DOCK1: variants seen among roughly 807,000 people sequenced by gnomAD.
DOCK1 encodes the protein dedicator of cytokinesis 1, also known as dedicator of cytokinesis protein 1.
A neutral mutation model predicts 262.7 loss-of-function variants in DOCK1; 138 were observed. The ratio of observed to expected loss-of-function variants is 0.53; its 90% CI spans 0.46 to 0.61. The LOEUF is 0.61. Ranked by LOEUF, DOCK1 falls within the 20% of genes least tolerant of loss-of-function variation. The pLI, the probability that DOCK1 is intolerant of heterozygous loss-of-function variation, is 0.00. For missense variants in DOCK1, 1,908 were observed against 2,370.7 expected (o/e 0.80, Z 4.05); for synonymous variants, 866 against 867.4 (o/e 1.00, Z 0.03).
In DOCK1 at chr10:127,000,282, G is replaced by A. The variant is rs747760304; in HGVS notation, c.960G>A (p.Gly320=). Residue 320 remains glycine, a synonymous_variant, in exon 10 of 52, where the codon GGG becomes GGA. Transcript: ENST00000623213. The part of the protein sequence containing the change: ...RDNNTRKLTS[G]LRRPFGVAVM... ...ACAACACCAGGAAACTGACCTCGGG[G>A]TTGCGGCGACCTTTTGGAGTGGCTG... The A allele has an allele frequency of 1.2e-6, 2 of 1,614,014 alleles. No individual in the cohort carries two copies. The highest frequency in any genetic ancestry group is 1.7e-6 in the Non-Finnish European group (2 of 1,179,878).
At chr10:127,374,340 G>A (rs543354251) in intron 35 of DOCK1, 126 bp downstream of exon 35, 53 of 1,244,542 alleles carry the variant, frequency 4.3e-5, no homozygotes, top group East Asian at 2.1e-4. Context: ...AATCTCCTTC[G>A]CTTGTTTCCT....
intron 35 of DOCK1, among the ~76,000 whole-genome samples, chr10:127,379,016 C>T (rs1590789678): frequency 6.6e-6 from 1 of 152,182 alleles, no homozygotes; most frequent in Non-Finnish European, 1.5e-5. Flanking sequence ...GAGCCTATGC[C>T]ATTTCTTGGA....
At chr10:126,963,628 C>T (rs1299196517) in intron 1 of DOCK1, among the ~76,000 whole-genome samples, 10 of 62,558 alleles carry the variant, frequency 1.6e-4, no homozygotes, top group African/African-American at 9.8e-4. Flanking sequence ...CCCTTCCCTT[C>T]CCTTCCCTTC....
At chr10:127,050,525 A>C (rs1306002924) in intron 21 of DOCK1, among the ~76,000 whole-genome samples, 1 of 147,432 alleles carries the variant, frequency 6.8e-6, no homozygotes, top group Non-Finnish European at 1.5e-5. Context: ...AGCCTGGCCA[A>C]TATGGTGAAA....
At position 127,374,041 on chromosome 10, in the gene DOCK1, G is replaced by GTA. The variant is rs773566652; in HGVS notation, c.3519-14_3519-13dup. 6.3e-7 allele frequency: 1 copy of GTA among 1,598,386 alleles called. No homozygotes were observed. Among genetic ancestry groups the GTA allele is most frequent in the African/African-American group, 1.3e-5 (1 of 74,128 alleles). ...TTTCTGAGTGTGATTAACAAGGTGT[G>GTA]TATAATTATTTTTCAGCCTTCTGGA... On this transcript the variant is annotated splice_polypyrimidine_tract_variant and intron_variant, in intron 34 of 51. Coordinates refer to ENST00000623213, the MANE Select transcript of DOCK1 (RefSeq NM_001290223.2).
chr10:126,916,630 C>T (rs1452799636), intron 1 of DOCK1, among the ~76,000 whole-genome samples: 3 of 152,028 alleles, frequency 2.0e-5, no homozygotes, highest in Admixed American at 2.0e-4. Context: ...TCTTCCCTCC[C>T]TTCTCCCCTT....
At chr10:127,247,113 C>A (rs914798667) in intron 27 of DOCK1, among the ~76,000 whole-genome samples, 2 of 152,192 alleles carry the variant, frequency 1.3e-5, no homozygotes, top group Non-Finnish European at 2.9e-5. Context: ...AAGCAAACAC[C>A]CTTCAGGGCA....
intron 29 of DOCK1, among the ~76,000 whole-genome samples, chr10:127,299,478 T>G (rs919549225): frequency 6.6e-6 from 1 of 152,200 alleles, no homozygotes; most frequent in African/African-American, 2.4e-5. Context: ...GGAAAAATGC[T>G]GTGTGACCGT....
rs141336452 is a variant in DOCK1 at position 126,986,707 on chromosome 10, C to G, written c.228-814C>G. Reference sequence around the variant, plus strand: ...GGAGTATCACCTGAAGTCAGGCGTTCAAGACCAGCCTGGCCAATATGGTGA... The same window carrying G: ...GGAGTATCACCTGAAGTCAGGCGTTGAAGACCAGCCTGGCCAATATGGTGA... On this transcript the variant is annotated intron_variant, in intron 4 of 51. Coordinates refer to ENST00000623213, the MANE Select transcript of DOCK1 (RefSeq NM_001290223.2). Among the ~76,000 whole-genome samples, 1,247 of 152,272 alleles carry G rather than the reference C, an allele frequency of 8.2e-3. 21 individuals are homozygous for G. The highest frequency in any genetic ancestry group is 0.028 in the African/African-American group (1,181 of 41,558).
intron 23 of DOCK1, among the ~76,000 whole-genome samples, chr10:127,072,889 C>T (rs2135939822): frequency 6.6e-6 from 1 of 152,260 alleles, no homozygotes; most frequent in East Asian, 1.9e-4. Flanking sequence ...CATTTATATC[C>T]CACATCCACT....
intron 27 of DOCK1, among the ~76,000 whole-genome samples, chr10:127,238,098 G>A (rs1464318390): frequency 2.0e-5 from 3 of 152,142 alleles, no homozygotes; most frequent in Admixed American, 2.0e-4. Context: ...CTGCTCTGTA[G>A]GCACAGGAAT....
intron 2 of DOCK1, among the ~76,000 whole-genome samples, chr10:126,977,046 T>G (rs1480815162): frequency 1.3e-5 from 2 of 152,192 alleles, no homozygotes; most frequent in African/African-American, 4.8e-5. Context: ...CTTTGAGCTT[T>G]TGATTAGCTT....
At chr10:127,020,918 T>C (rs1354799530) in intron 13 of DOCK1, among the ~76,000 whole-genome samples, 2 of 152,318 alleles carry the variant, frequency 1.3e-5, no homozygotes, top group East Asian at 3.9e-4. Context: ...CCTGCTCTGC[T>C]ACTTTCTCAT....
In DOCK1 at chr10:127,052,807, GT is replaced by G; in HGVS notation, c.2330del (p.Phe777SerfsTer27). 1.9e-6 allele frequency: 3 copies of G among 1,612,252 alleles called. No homozygotes were observed. The highest frequency in any genetic ancestry group is 2.5e-6 in the Non-Finnish European group (3 of 1,178,958). On this transcript the variant is annotated frameshift_variant, in exon 22 of 52. Coordinates refer to ENST00000623213, the MANE Select transcript of DOCK1 (RefSeq NM_001290223.2). LOFTEE classifies it high-confidence loss of function. ...FKFIVRSRIL[F>X]NQLYENKGEA... ...AGTTCATCGTGCGCTCCAGGATCCT[GT>G]TCAATCAGTGCGTACCTATCCCCTC... is the stretch of plus-strand genomic sequence containing the variant.
At chr10:127,019,221 C>T (rs953787592) in intron 13 of DOCK1, among the ~76,000 whole-genome samples, 2 of 152,188 alleles carry the variant, frequency 1.3e-5, no homozygotes, top group Non-Finnish European at 2.9e-5. Context: ...CCTGTGCCTG[C>T]GCCCGCTCAG....
At chr10:127,250,618 C>G (rs2134829638) in intron 28 of DOCK1, among the ~76,000 whole-genome samples, 1 of 151,878 alleles carries the variant, frequency 6.6e-6, no homozygotes, top group African/African-American at 2.4e-5. Flanking sequence ...TGGCAAAACC[C>G]CGTCTCCACT....
chr10:127,156,508 CTCTTT>C (rs1044336150), intron 27 of DOCK1, among the ~76,000 whole-genome samples: 19 of 149,994 alleles, frequency 1.3e-4, no homozygotes, highest in African/African-American at 4.4e-4. Context: ...ATCTTTTCTT[CTCTTT>C]TCTTTACTTT....
chr10:127,425,757 G>T, intron 46 of DOCK1, 117 bp from the exon 47 acceptor site: 2 of 1,445,090 alleles, frequency 1.4e-6, no homozygotes, highest in Non-Finnish European at 1.9e-6. Flanking sequence ...TGAATCAGCT[G>T]GTTTGATTTG....
chr10:127,031,539 T>G (rs10765138), intron 16 of DOCK1, 111 bp from the exon 17 acceptor site: 2 of 772,326 alleles, frequency 2.6e-6, no homozygotes, highest in African/African-American at 3.5e-5. Flanking sequence ...AATACCTGTT[T>G]GTATAATTTT....
Sources: allele counts gnomAD v4.1 joint callset (sites outside exome capture counted in the v4.1 genomes callset), GRCh38; gene constraint gnomAD v4.1.1; transcripts MANE v1.5; gene names NCBI Gene and HGNC (gene_info 2026-07-23, HGNC 2026-07-21).